Variants in HECW1 observed in about 807,000 individuals in gnomAD.
The protein encoded by HECW1 is HECT, C2 and WW domain containing E3 ubiquitin protein ligase 1, also known as E3 ubiquitin-protein ligase HECW1.
HECW1 carries 61 observed loss-of-function variants against 182.3 expected under a neutral mutation model. The ratio of observed to expected loss-of-function variants is 0.33; its 90% CI spans 0.27 to 0.41. The LOEUF (loss-of-function observed/expected upper bound fraction) is 0.41, where lower values mean the gene tolerates loss of function less well. HECW1 is among the 10% of genes least tolerant of loss of function. HECW1 has a pLI of 1.00. For synonymous variants in HECW1, 859 were observed against 832.6 expected, an observed-to-expected ratio of 1.03 and a Z score of -0.55; for missense variants, 1,739 against 2,108.9, an observed-to-expected ratio of 0.82 and a Z score of 3.44.
At position 43,479,598 on chromosome 7, in the gene HECW1, G is replaced by C; in HGVS notation, c.3100-12G>C. 1.2e-6 allele frequency: 2 copies of C among 1,613,806 alleles called. No homozygotes were observed. Among genetic ancestry groups the C allele is most frequent in the Non-Finnish European group, 8.5e-7 (1 of 1,179,892 alleles). The stretch of plus-strand genomic sequence containing the variant: ...CACCACACGGTGCTTTTTTTCACTG[G>C]TCTGTTCGCAGTCTTTTTTCGTGGA... On this transcript the variant is annotated splice_polypyrimidine_tract_variant and intron_variant, in intron 16 of 29. Transcript: ENST00000395891.
intron 5 of HECW1, among the ~76,000 whole-genome samples, chr7:43,339,035 T>C (rs967028618): frequency 3.3e-5 from 5 of 152,254 alleles, no homozygotes; most frequent in Admixed American, 1.3e-4. Flanking sequence ...CAATGGTTAG[T>C]CTTTTTGTCA....
intron 2 of HECW1, among the ~76,000 whole-genome samples, chr7:43,234,714 TA>T (rs1318041732): frequency 2.0e-5 from 3 of 152,140 alleles, no homozygotes; most frequent in Non-Finnish European, 4.4e-5. Context: ...GCAGTTTACT[TA>T]TTTATTGTGT....
At chr7:43,451,193 TTC>T (rs2077224221) in intron 12 of HECW1, among the ~76,000 whole-genome samples, 1 of 152,218 alleles carries the variant, frequency 6.6e-6, no homozygotes. Flanking sequence ...TGGAGAGCAT[TTC>T]TCTGTTAGAC....
Position 43,319,756 on chromosome 7 carries a change from C to T in HECW1, c.353-879C>T, listed in dbSNP as rs370861953. Among the ~76,000 whole-genome samples the T allele has an allele frequency of 7.9e-3, 1,165 of 147,116 alleles. 16 individuals are homozygous for T. The highest frequency in any genetic ancestry group is 0.028 in the African/African-American group (1,108 of 39,010). On this transcript the variant is annotated intron_variant, in intron 4 of 29. Coordinates refer to ENST00000395891, the MANE Select transcript of HECW1 (RefSeq NM_015052.5). Reference sequence around the variant, plus strand: ...CTGAGATTATAGGTGCCTGCCACCACGCCTGGCTAATTTTTGTAATTTTTT... The same window carrying T: ...CTGAGATTATAGGTGCCTGCCACCATGCCTGGCTAATTTTTGTAATTTTTT...
At chr7:43,227,762 A>T (rs1797556226) in intron 2 of HECW1, among the ~76,000 whole-genome samples, 1 of 152,242 alleles carries the variant, frequency 6.6e-6, no homozygotes, top group Admixed American at 6.5e-5. Context: ...GATTAATACG[A>T]CTGTATTTTA....
intron 7 of HECW1, among the ~76,000 whole-genome samples, chr7:43,402,435 G>A (rs915570363): frequency 1.3e-5 from 2 of 152,156 alleles, no homozygotes; most frequent in Non-Finnish European, 2.9e-5. Flanking sequence ...TGTGAGGGGG[G>A]TCAGGGAACT....
At chr7:43,483,450 T>G (rs954506318) in intron 17 of HECW1, among the ~76,000 whole-genome samples, 2 of 151,978 alleles carry the variant, frequency 1.3e-5, no homozygotes, top group Non-Finnish European at 2.9e-5. Context: ...GAAGAACCAT[T>G]ATTTTACAGT....
Position 43,507,240 on chromosome 7 carries a change from G to A in HECW1, c.3735G>A (p.Gln1245=), listed in dbSNP as rs995533835. 2 of 1,613,412 alleles carry A rather than the reference G, an allele frequency of 1.2e-6. No homozygotes were observed. The highest frequency in any genetic ancestry group is 4.5e-5 in the East Asian group (2 of 44,882). ...AACTGGAAGCCAAAGGATTTGGTCA[G>A]GGTCCGGGGAAAATTAAGTGAGTGC... ...YRKLEAKGFG[Q]GPGKIKLIIR... Residue 1245 remains glutamine, a synonymous_variant, in exon 22 of 30, where the codon CAG becomes CAA. Coordinates refer to ENST00000395891, the MANE Select transcript of HECW1 (RefSeq NM_015052.5).
At chr7:43,265,769 C>T (rs1450956953) in intron 3 of HECW1, among the ~76,000 whole-genome samples, 1 of 152,208 alleles carries the variant, frequency 6.6e-6, no homozygotes, top group Non-Finnish European at 1.5e-5. Flanking sequence ...CAGCCGAAAA[C>T]AGGGTTCCCA....
chr7:43,119,611 G>A lies in HECW1; in HGVS notation c.-32+5220G>A, dbSNP rs531417879. Among the ~76,000 whole-genome samples, 50 of 152,242 alleles carry A rather than the reference G, an allele frequency of 3.3e-4. 1 individual carries two copies. In the Middle Eastern group the frequency reaches 0.02, roughly 62 times the overall value. On this transcript the variant is annotated intron_variant, in intron 2 of 29. Transcript: ENST00000395891. ...GACTCATTCCCAGAACTCCAGACTT[G>A]AAAATGCAACCGCCCAGCATCTCCC...
chr7:43,370,970 C>T (rs1253937121), intron 6 of HECW1, among the ~76,000 whole-genome samples: 4 of 151,558 alleles, frequency 2.6e-5, no homozygotes, highest in Non-Finnish European at 5.9e-5. Flanking sequence ...CCACTGCAAG[C>T]TCCACTTCCT....
chr7:43,113,042 T>C (rs12536567), intron 1 of HECW1, 105 bp downstream of exon 1: 91,599 of 182,552 alleles, frequency 0.5, 23,233 homozygotes, highest in East Asian at 0.76. Flanking sequence ...CCCTCCCTTC[T>C]CGGGGCCGAG....
intron 2 of HECW1, among the ~76,000 whole-genome samples, chr7:43,126,218 A>G (rs1490450279): frequency 2.0e-5 from 3 of 152,094 alleles, no homozygotes; most frequent in African/African-American, 4.8e-5. Flanking sequence ...TCTCTTGTCC[A>G]TAAAGCATTG....
chr7:43,164,740 AC>A (rs1790925443), intron 2 of HECW1, among the ~76,000 whole-genome samples: 1 of 152,234 alleles, frequency 6.6e-6, no homozygotes, highest in Non-Finnish European at 1.5e-5. Context: ...AGAGAGCGCC[AC>A]ATCCTGGGGT....
At chr7:43,160,348 C>T (rs372713447) in intron 2 of HECW1, among the ~76,000 whole-genome samples, 20 of 152,094 alleles carry the variant, frequency 1.3e-4, no homozygotes, top group African/African-American at 4.6e-4. Context: ...GCTCTCAATG[C>T]TTCACTTGTG....
chr7:43,304,367 A>T (rs1003617027), intron 3 of HECW1, among the ~76,000 whole-genome samples: 5 of 152,220 alleles, frequency 3.3e-5, no homozygotes, highest in African/African-American at 1.2e-4. Context: ...CCTAGTGCTT[A>T]CAAGAATTCC....
intron 6 of HECW1, among the ~76,000 whole-genome samples, chr7:43,373,415 C>T (rs747627280): frequency 5.3e-5 from 8 of 152,008 alleles, no homozygotes; most frequent in Non-Finnish European, 1.0e-4. Flanking sequence ...GCCTTGGCTT[C>T]CCAAAGTGCT....
intron 2 of HECW1, among the ~76,000 whole-genome samples, chr7:43,229,825 TGACA>T (rs1797734482): frequency 6.6e-6 from 1 of 152,220 alleles, no homozygotes; most frequent in Non-Finnish European, 1.5e-5. Context: ...TGGAGAAATC[TGACA>T]GACAGCACCT....
intron 3 of HECW1, among the ~76,000 whole-genome samples, chr7:43,280,732 AC>A (rs1331901935): frequency 6.6e-6 from 1 of 152,154 alleles, no homozygotes; most frequent in Non-Finnish European, 1.5e-5. Context: ...TGGAAAGAGA[AC>A]GAACACACAA....
Sources: allele counts gnomAD v4.1 joint callset (sites outside exome capture counted in the v4.1 genomes callset), GRCh38; gene constraint gnomAD v4.1.1; transcripts MANE v1.5; gene names NCBI Gene and HGNC (gene_info 2026-07-23, HGNC 2026-07-21).